FBXO38: variants seen among roughly 807,000 people sequenced by gnomAD.
The protein encoded by FBXO38 is F-box protein 38.
Under a neutral mutation model 131.9 loss-of-function variants are expected in FBXO38, and 53 were observed. The observed-to-expected ratio is 0.40, with a 90% confidence interval of 0.32 to 0.51. The LOEUF (loss-of-function observed/expected upper bound fraction) is 0.51. Ranked by LOEUF, FBXO38 falls within the 20% of genes least tolerant of loss-of-function variation. FBXO38 has a pLI of 0.53. For missense variants in FBXO38, 1,076 were observed against 1,475.6 expected (o/e 0.73, Z 4.44); for synonymous variants, 452 against 505.6 (o/e 0.89, Z 1.42).
At chr5:148,399,671 A>T (rs1196388937) in intron 3 of FBXO38, 1 of 152,368 alleles carries the variant, frequency 6.6e-6, no homozygotes, top group East Asian at 1.9e-4. Context: ...TCCTAACCAC[A>T]GCAAATTGTT....
intron 1 of FBXO38, among the ~76,000 whole-genome samples, chr5:148,393,494 A>T (rs1758321989): frequency 6.6e-6 from 1 of 152,088 alleles, no homozygotes; most frequent in Non-Finnish European, 1.5e-5. Context: ...CTCTCCCTTC[A>T]GTTATGGGCT....
At chr5:148,421,175 C>T (rs1052124733) in intron 12 of FBXO38, among the ~76,000 whole-genome samples, 3 of 152,056 alleles carry the variant, frequency 2.0e-5, no homozygotes, top group Non-Finnish European at 4.4e-5. Context: ...ACTGTGTTAG[C>T]CAGGATGGTC....
At chr5:148,428,854 A>G (rs939988249) in intron 15 of FBXO38, among the ~76,000 whole-genome samples, 1 of 152,260 alleles carries the variant, frequency 6.6e-6, no homozygotes. Context: ...GCATAAACTC[A>G]TTGAAATATA....
At chr5:148,390,329 G>T (rs1377644146) in intron 1 of FBXO38, among the ~76,000 whole-genome samples, 1 of 152,140 alleles carries the variant, frequency 6.6e-6, no homozygotes, top group Non-Finnish European at 1.5e-5. Flanking sequence ...ACTTGAGAAG[G>T]CTGCTAGATT....
At chr5:148,418,504 A>G (rs1017615997) in intron 12 of FBXO38, among the ~76,000 whole-genome samples, 19 of 152,238 alleles carry the variant, frequency 1.2e-4, no homozygotes, top group African/African-American at 4.3e-4. Flanking sequence ...CCTAGGTAAA[A>G]TCTTTCCCCA....
chr5:148,432,691 C>G (rs1236300089), intron 15 of FBXO38, among the ~76,000 whole-genome samples: 3 of 152,172 alleles, frequency 2.0e-5, no homozygotes, highest in African/African-American at 4.8e-5. Context: ...GTGTTGAGTG[C>G]CAGTTCATTC....
intron 5 of FBXO38, among the ~76,000 whole-genome samples, chr5:148,402,793 A>G (rs1752230548): frequency 6.6e-6 from 1 of 152,136 alleles, no homozygotes; most frequent in Non-Finnish European, 1.5e-5. Context: ...ATTTTCTCAA[A>G]TTTGTCACCT....
At chr5:148,441,686 G>A (rs925250466) in intron 21 of FBXO38, among the ~76,000 whole-genome samples, 1 of 152,090 alleles carries the variant, frequency 6.6e-6, no homozygotes, top group African/African-American at 2.4e-5. Flanking sequence ...TTAACCAAAG[G>A]TTTTTTAAAA....
In FBXO38 at chr5:148,427,389, G is replaced by A. The variant is rs569854063; in HGVS notation, c.2095G>A (p.Asp699Asn). 4.3e-6 allele frequency: 7 copies of A among 1,614,154 alleles called. No homozygotes were observed. The African/African-American group carries it at 6.7e-5, about 15-fold the overall frequency. ...RDIPEKKKNKDVYPSCSSTTA... is the reference protein window; with the variant it reads ...RDIPEKKKNKNVYPSCSSTTA... ...TATTCCTGAAAAGAAAAAAAACAAG[G>A]ATGTTTATCCCAGCTGCAGCAGCAC... Residue 699 changes from aspartate (D) to asparagine (N), a missense_variant, in exon 15 of 22, where the codon GAT (aspartate) becomes AAT (asparagine). Physicochemically the swap from Asp to Asn is conservative, Grantham distance 23. Around this residue, in one of 8 missense-constraint regions of FBXO38, gnomAD observed 213 missense variants for 225.2 expected, o/e 0.95. Transcript: ENST00000340253.
At chr5:148,406,811 A>C (rs1432078807) in intron 7 of FBXO38, among the ~76,000 whole-genome samples, 1 of 152,182 alleles carries the variant, frequency 6.6e-6, no homozygotes, top group Non-Finnish European at 1.5e-5. Flanking sequence ...TTATAATATA[A>C]AAAATACTTT....
chr5:148,427,822 G>T lies in FBXO38; in HGVS notation c.2528G>T (p.Gly843Val), dbSNP rs756515762. 2 of 1,607,034 alleles carry T rather than the reference G, an allele frequency of 1.2e-6. No individual in the cohort carries two copies. Among genetic ancestry groups the T allele is most frequent in the Non-Finnish European group, 1.7e-6 (2 of 1,176,598 alleles). ...AATGGGAGTGGCTCTGGGGCTACAG[G>T]TGAGGACAGGAGGGGGAGCTCCCAG... Reference protein sequence around the residue: ...RTNGSGSGATGEDRRGSSQPE... With the variant: ...RTNGSGSGATVEDRRGSSQPE... Residue 843 changes from glycine (G) to valine (V), a missense_variant, in exon 15 of 22, where the codon GGT becomes GTT. This residue lies in a region of FBXO38 where 213 missense variants were observed against 225.2 expected (regional missense o/e 0.95). Transcript: ENST00000340253.
chr5:148,442,238 T>A lies in FBXO38; in HGVS notation c.*91T>A, dbSNP rs1382518107. 6 of 1,241,382 alleles carry A rather than the reference T, an allele frequency of 4.8e-6. No homozygotes were observed. Among genetic ancestry groups the A allele is most frequent in the Non-Finnish European group, 6.9e-6 (6 of 872,098 alleles). The allele number at this position is 1,241,382 out of a possible 1,614,324, so 76.9% of individuals were successfully genotyped here. Reference sequence around the variant, plus strand: ...CTCCACAGGGACTTGAGGCATGCAGTTGGGAGGTCCTGGCTCGGTTTGCTA... The same window carrying A: ...CTCCACAGGGACTTGAGGCATGCAGATGGGAGGTCCTGGCTCGGTTTGCTA... On this transcript the variant is annotated 3_prime_UTR_variant, in exon 22 of 22. Transcript: ENST00000340253.
At chr5:148,414,789 A>G (rs954281211) in intron 10 of FBXO38, among the ~76,000 whole-genome samples, 8 of 152,184 alleles carry the variant, frequency 5.3e-5, no homozygotes, top group Non-Finnish European at 1.0e-4. Flanking sequence ...TCCTATATGT[A>G]GAAGTGTGAC....
intron 9 of FBXO38, chr5:148,410,977 T>C (rs1752717956): frequency 4.0e-6 from 2 of 500,580 alleles, no homozygotes; most frequent in South Asian, 3.0e-5. Flanking sequence ...ATAGAAAATA[T>C]AGTTACTAAC....
At chr5:148,425,298 A>G (rs1240037581) in intron 13 of FBXO38, among the ~76,000 whole-genome samples, 2 of 152,138 alleles carry the variant, frequency 1.3e-5, no homozygotes, top group Non-Finnish European at 2.9e-5. Flanking sequence ...AAATGCATCA[A>G]GTTGGTTGGC....
In FBXO38 at chr5:148,442,352, A is replaced by T. The variant is rs1286087225; in HGVS notation, c.*205A>T. The T allele has an allele frequency of 1.0e-5, 4 of 394,562 alleles. No individual in the cohort carries two copies. Among genetic ancestry groups the T allele is most frequent in the African/African-American group, 2.0e-5 (1 of 48,876 alleles). The allele number at this position is 394,562 out of a possible 1,614,324, so 24.4% of individuals were successfully genotyped here. ...AGACGCTTCCTAAAGTACCAACTTTATATCATATGTTTATACAATTTAATT... is the reference window on the plus strand; with the variant it reads ...AGACGCTTCCTAAAGTACCAACTTTTTATCATATGTTTATACAATTTAATT... On this transcript the variant is annotated 3_prime_UTR_variant, in exon 22 of 22. Coordinates refer to ENST00000340253, the MANE Select transcript of FBXO38 (RefSeq NM_205836.3).
At chr5:148,409,273 T>C in intron 8 of FBXO38, 56 bp downstream of exon 8, 1 of 1,197,094 alleles carries the variant, frequency 8.4e-7, no homozygotes, top group Non-Finnish European at 1.2e-6. Context: ...TGTTTTTCCC[T>C]ATTTTACAAA....
intron 12 of FBXO38, among the ~76,000 whole-genome samples, chr5:148,417,626 A>T (rs1198732218): frequency 6.6e-6 from 1 of 152,180 alleles, no homozygotes; most frequent in Non-Finnish European, 1.5e-5. Context: ...GGCACCTTTC[A>T]TGTACCTTTA....
chr5:148,425,614 G>C lies in FBXO38; in HGVS notation c.1831G>C (p.Glu611Gln), dbSNP rs1753671443. Residue 611 changes from glutamate (E) to glutamine (Q), a missense_variant, in exon 14 of 22, where the codon GAA becomes CAA. Glu to Gln is a conservative substitution (Grantham distance 29). Around this residue, in one of 8 missense-constraint regions of FBXO38, gnomAD observed 212 missense variants for 221.2 expected, o/e 0.96. Coordinates refer to ENST00000340253, the MANE Select transcript of FBXO38 (RefSeq NM_205836.3). ...DDEEDSLELQ[E>Q]VWIPKNGTRR... ...TGAAGAAGATAGTCTAGAACTCCAA[G>C]AAGTCTGGATTCCTAAGAACGGTAC... The C allele has an allele frequency of 1.2e-6, 2 of 1,613,952 alleles. No individual in the cohort carries two copies. The highest frequency in any genetic ancestry group is 1.7e-6 in the Non-Finnish European group (2 of 1,179,828).
Sources: gnomAD v4.1 joint callset for allele counts (sites outside exome capture counted in the v4.1 genomes callset) on GRCh38, gnomAD v4.1.1 for gene constraint, gnomAD v4.1.1 regional missense constraint, MANE v1.5 for transcripts, NCBI Gene and HGNC (gene_info 2026-07-23, HGNC 2026-07-21) for gene names.